The following PPARG variants were observed in gnomAD, a reference collection of about 807,000 sequenced individuals.
The protein encoded by PPARG is peroxisome proliferator-activated receptor gamma.
Under a neutral mutation model 39.2 loss-of-function variants are expected in PPARG, and 17 were observed. The ratio of observed to expected loss-of-function variants is 0.43; its 90% CI spans 0.30 to 0.65. PPARG has a LOEUF of 0.65. Among genes scored for constraint, PPARG ranks in the 30% least tolerant of loss-of-function variants. The pLI is 0.13. For synonymous variants in PPARG, 223 were observed against 215.7 expected, an observed-to-expected ratio of 1.03 and a Z score of -0.30; for missense variants, 406 against 585.9, an observed-to-expected ratio of 0.69 and a Z score of 3.17.
intron 7 of PPARG, among the ~76,000 whole-genome samples, chr3:12,424,201 G>A (rs907567918): frequency 6.6e-6 from 1 of 152,162 alleles, no homozygotes. Flanking sequence ...ACAGAGCTGG[G>A]GGCGGGGATA....
At chr3:12,393,262 A>G (rs1029093722) in intron 5 of PPARG, among the ~76,000 whole-genome samples, 2 of 148,670 alleles carry the variant, frequency 1.3e-5, no homozygotes, top group African/African-American at 5.0e-5. Flanking sequence ...ACTTCAAGGA[A>G]CGTCCATGAG....
intron 1 of PPARG, among the ~76,000 whole-genome samples, chr3:12,293,800 G>A (rs984402994): frequency 2.6e-5 from 4 of 152,062 alleles, no homozygotes; most frequent in African/African-American, 9.7e-5. Context: ...CCTTCATATC[G>A]AGGGCAGTGG....
At chr3:12,354,269 A>G (rs1361086089) in intron 2 of PPARG, among the ~76,000 whole-genome samples, 1 of 152,190 alleles carries the variant, frequency 6.6e-6, no homozygotes, top group Admixed American at 6.5e-5. Flanking sequence ...TGCTGTGTGA[A>G]TTTAAGCACG....
intron 2 of PPARG, among the ~76,000 whole-genome samples, chr3:12,375,247 A>G (rs575168235): frequency 2.4e-4 from 35 of 148,904 alleles, no homozygotes; most frequent in Admixed American, 8.0e-4. Flanking sequence ...GGGAGGTGGG[A>G]GAGAGAGAGA....
intron 7 of PPARG, among the ~76,000 whole-genome samples, chr3:12,417,877 CTTTTTTTTTTCTTTTTTTTTTTTCCT>C (rs1559533688): frequency 3.2e-4 from 21 of 64,644 alleles, no homozygotes; most frequent in Non-Finnish European, 6.4e-4. Context: ...TGACTTTTTT[CTTTTTTTTTTCTTTTTTTTTTTTCCT>C]TTTTTTTTTT....
At chr3:12,318,741 A>G (rs1220783361) in intron 2 of PPARG, among the ~76,000 whole-genome samples, 1 of 152,168 alleles carries the variant, frequency 6.6e-6, no homozygotes, top group Non-Finnish European at 1.5e-5. Flanking sequence ...GGTACCGCCA[A>G]TAACTTATAT....
intron 1 of PPARG, among the ~76,000 whole-genome samples, chr3:12,293,880 C>G (rs1405038051): frequency 6.6e-6 from 1 of 152,176 alleles, no homozygotes. Flanking sequence ...ACCTTGACCA[C>G]ACCCCTCTGG....
chr3:12,407,005 C>T (rs180673907), intron 6 of PPARG, among the ~76,000 whole-genome samples: 58 of 152,274 alleles, frequency 3.8e-4, no homozygotes, highest in Non-Finnish European at 6.9e-4. Flanking sequence ...GTAATTGTTA[C>T]TGAGTTAGGT....
chr3:12,403,794 A>G (rs1339602611), intron 5 of PPARG, among the ~76,000 whole-genome samples: 2 of 152,224 alleles, frequency 1.3e-5, no homozygotes, highest in East Asian at 3.8e-4. Flanking sequence ...GAGGTCACAG[A>G]GGATTTTGAA....
At chr3:12,366,802 A>G (rs1050208304) in intron 2 of PPARG, among the ~76,000 whole-genome samples, 7 of 152,052 alleles carry the variant, frequency 4.6e-5, no homozygotes, top group African/African-American at 1.7e-4. Context: ...ATTTGCTGAT[A>G]TTTTGTTAAA....
intron 2 of PPARG, among the ~76,000 whole-genome samples, chr3:12,333,732 CGTCA>C (rs2047928463): frequency 6.6e-6 from 1 of 152,148 alleles, no homozygotes; most frequent in Admixed American, 6.5e-5. Context: ...TTCATTCAGT[CGTCA>C]GTCATTTCGT....
At chr3:12,385,888 C>G (rs143533660) in intron 4 of PPARG, among the ~76,000 whole-genome samples, 316 of 152,252 alleles carry the variant, frequency 2.1e-3, no homozygotes, top group African/African-American at 7.2e-3. Flanking sequence ...TCTGAGGTCT[C>G]ATTGTCCCTG....
intron 2 of PPARG, among the ~76,000 whole-genome samples, chr3:12,348,759 T>C (rs2048397946): frequency 1.3e-5 from 2 of 152,174 alleles, no homozygotes; most frequent in African/African-American, 2.4e-5. Context: ...GGACCATCCA[T>C]AGGATGAATA....
Position 12,392,731 on chromosome 3 carries a change from G to A in PPARG, c.508G>A (p.Ala170Thr). ...CQYCRFQKCL[A>T]VGMSHNAIRF... ...GTACTGTCGGTTTCAGAAATGCCTT[G>A]CAGTGGGGATGTCTCATAATGGTAA... Residue 170 changes from alanine to threonine, a missense_variant, in exon 5 of 8, where the codon GCA (alanine) becomes ACA (threonine). By Grantham distance (58) the Ala-to-Thr change is moderately conservative. Around this residue, in one of 2 missense-constraint regions of PPARG, gnomAD observed 275 missense variants for 458.0 expected, o/e 0.60. Transcript: ENST00000651735. 1 of 1,613,832 alleles carries A rather than the reference G, an allele frequency of 6.2e-7. No individual in the cohort carries two copies.
In PPARG at chr3:12,321,611, C is replaced by T. The variant is rs151166758; in HGVS notation, c.-9+9158C>T. On this transcript the variant is annotated intron_variant, in intron 2 of 7. Coordinates refer to ENST00000651735, the MANE Select transcript of PPARG (RefSeq NM_138711.6). ...TTAACTCTCTGACCAAGCAATCCAT[C>T]GTTTCCATCATCCTCCAGTCCATAG... 3.3e-5 allele frequency among the ~76,000 whole-genome samples: 5 copies of T among 152,292 alleles called. No individual in the cohort carries two copies. The East Asian group carries it at 9.6e-4, about 29-fold the overall frequency.
intron 1 of PPARG, among the ~76,000 whole-genome samples, chr3:12,293,459 G>C (rs764304067): frequency 6.6e-6 from 1 of 152,132 alleles, no homozygotes; most frequent in Non-Finnish European, 1.5e-5. Flanking sequence ...TAGCAAAAAC[G>C]TGGGGTGAGA....
chr3:12,381,245 CT>C lies in PPARG; in HGVS notation c.221-76del, dbSNP rs1015974544. 1.0e-5 allele frequency: 14 copies of C among 1,363,638 alleles called. No individual in the cohort carries two copies. The African/African-American group carries it at 2.0e-4, about 20-fold the overall frequency. The allele number at this position is 1,363,638 out of a possible 1,614,324, so 84.5% of individuals were successfully genotyped here. ...AATACAAATACAGCATGAAGGTGTA[CT>C]ATGGTGGCTTGCCCTGTTGCCTTTT... is the stretch of plus-strand genomic sequence containing the variant. On this transcript the variant is annotated intron_variant, in intron 3 of 7. Transcript: ENST00000651735.
At chr3:12,374,971 A>T (rs922652949) in intron 2 of PPARG, among the ~76,000 whole-genome samples, 14 of 152,366 alleles carry the variant, frequency 9.2e-5, no homozygotes, top group African/African-American at 2.9e-4. Flanking sequence ...TAATATTTTT[A>T]AAAATTACAT....
intron 6 of PPARG, among the ~76,000 whole-genome samples, chr3:12,407,645 T>C (rs144318548): frequency 9.2e-5 from 14 of 152,350 alleles, no homozygotes; most frequent in African/African-American, 2.9e-4. Context: ...TTGATAGATA[T>C]GTGTAACTTT....
Sources: gnomAD v4.1 joint callset for allele counts (sites outside exome capture counted in the v4.1 genomes callset) on GRCh38, gnomAD v4.1.1 for gene constraint, gnomAD v4.1.1 regional missense constraint, MANE v1.5 for transcripts, NCBI Gene and HGNC (gene_info 2026-07-23, HGNC 2026-07-21) for gene names.